Variants in HYDIN observed in about 807,000 individuals in gnomAD.
HYDIN encodes axonemal central pair apparatus protein HYDIN.
HYDIN carries 132 observed loss-of-function variants against 403.9 expected under a neutral mutation model. The ratio of observed to expected loss-of-function variants is 0.33; its 90% CI spans 0.28 to 0.38. The LOEUF is 0.38. HYDIN is among the 10% of genes least tolerant of loss of function. The probability of loss-of-function intolerance (pLI) is 1.00; values close to 1 mark genes in which losing one functional copy is unlikely to be tolerated. For synonymous variants in HYDIN, 1,202 were observed against 1,891.7 expected, an observed-to-expected ratio of 0.64 and a Z score of 9.46; for missense variants, 2,827 against 5,009.5, an observed-to-expected ratio of 0.56 and a Z score of 13.15.
intron 23 of HYDIN, among the ~76,000 whole-genome samples, chr16:71,006,953 C>T (rs2079906716): frequency 6.6e-6 from 1 of 151,854 alleles, no homozygotes; most frequent in Non-Finnish European, 1.5e-5. Flanking sequence ...GACTGTGCTT[C>T]CTACTTATCC....
intron 49 of HYDIN, 44 bp from the exon 50 acceptor site, chr16:70,907,535 G>T: frequency 2.0e-6 from 1 of 501,594 alleles, no homozygotes; most frequent in South Asian, 2.4e-5. Flanking sequence ...TGCCTGAACA[G>T]AAGTTTGATG....
intron 21 of HYDIN, among the ~76,000 whole-genome samples, chr16:71,020,763 C>G (rs2080455564): frequency 1.3e-5 from 2 of 149,302 alleles, no homozygotes; most frequent in African/African-American, 2.5e-5. Flanking sequence ...GAGTCGAGAT[C>G]ACACCACTGT....
chr16:71,230,380 G>T (rs2041226812), intron 1 of HYDIN, among the ~76,000 whole-genome samples, 182 bp downstream of exon 1: 1 of 152,144 alleles, frequency 6.6e-6, no homozygotes, highest in Non-Finnish European at 1.5e-5. Context: ...ACAAAAATCC[G>T]AGGTCCCGTA....
intron 1 of HYDIN, among the ~76,000 whole-genome samples, chr16:71,205,142 T>C (rs953146511): frequency 8.5e-5 from 13 of 152,150 alleles, no homozygotes; most frequent in Non-Finnish European, 1.8e-4. Context: ...GACGCTACAA[T>C]GGCAGACTAG....
intron 37 of HYDIN, among the ~76,000 whole-genome samples, chr16:70,963,201 A>G (rs1321709929): frequency 1.3e-5 from 2 of 149,430 alleles, no homozygotes; most frequent in Non-Finnish European, 3.0e-5. Context: ...GCATTTTCTG[A>G]TTTTTTTTTC....
chr16:70,947,173 G>C (rs2077894346), intron 41 of HYDIN, among the ~76,000 whole-genome samples: 1 of 149,318 alleles, frequency 6.7e-6, no homozygotes. Flanking sequence ...ATTGGCTGTG[G>C]GTTTGTCATA....
At chr16:70,879,572 C>G (rs1349950272) in intron 61 of HYDIN, 33 bp downstream of exon 61, 1 of 1,611,084 alleles carries the variant, frequency 6.2e-7, no homozygotes, top group Non-Finnish European at 8.5e-7. Flanking sequence ...AGTCCTGCTG[C>G]AGGAGAGGGA....
chr16:71,107,867 T>C (rs1367236710), intron 10 of HYDIN, among the ~76,000 whole-genome samples: 4 of 152,162 alleles, frequency 2.6e-5, no homozygotes, highest in African/African-American at 4.8e-5. Flanking sequence ...AAAACATGCA[T>C]GTATATGTTC....
intron 55 of HYDIN, 22 bp downstream of exon 55, chr16:70,894,427 C>G: frequency 6.2e-7 from 1 of 1,609,126 alleles, no homozygotes; most frequent in East Asian, 2.2e-5. Flanking sequence ...GATGGCCTTA[C>G]ATCTGATGGG....
chr16:70,848,540 C>G (rs1597113766), intron 75 of HYDIN, among the ~76,000 whole-genome samples: 1 of 131,648 alleles, frequency 7.6e-6, no homozygotes, highest in South Asian at 2.8e-4. Context: ...AGTCTATATT[C>G]TTATTTATGC....
intron 45 of HYDIN, among the ~76,000 whole-genome samples, chr16:70,922,961 T>A (rs2077041022): frequency 6.6e-6 from 1 of 151,700 alleles, no homozygotes; most frequent in South Asian, 2.1e-4. Context: ...AGAGACACAG[T>A]TTTGCCATGT....
intron 1 of HYDIN, among the ~76,000 whole-genome samples, chr16:71,225,515 C>CT (rs534404565): frequency 2.0e-4 from 30 of 152,290 alleles, no homozygotes; most frequent in South Asian, 8.3e-4. Context: ...GTCTTTCCTT[C>CT]TTTTTTTGGA....
chr16:70,996,220 A>G (rs1427645103), intron 23 of HYDIN, among the ~76,000 whole-genome samples: 2 of 152,190 alleles, frequency 1.3e-5, no homozygotes, highest in South Asian at 2.1e-4. Flanking sequence ...TTAATTTCTT[A>G]TAGTTCTCCT....
chr16:71,126,505 G>C (rs2084465319), intron 9 of HYDIN, among the ~76,000 whole-genome samples: 2 of 152,182 alleles, frequency 1.3e-5, no homozygotes, highest in East Asian at 1.9e-4. Flanking sequence ...CTGAGGCAGG[G>C]AAGAGCTGTC....
At chr16:70,966,760 C>A (rs1203087803) in intron 36 of HYDIN, among the ~76,000 whole-genome samples, 1 of 152,178 alleles carries the variant, frequency 6.6e-6, no homozygotes, top group Non-Finnish European at 1.5e-5. Context: ...CAGAGAATGT[C>A]ATTCCCATGA....
chr16:71,081,052 G>T (rs1457479302), intron 12 of HYDIN: 1 of 150,892 alleles, frequency 6.6e-6, no homozygotes, highest in East Asian at 2.0e-4. Flanking sequence ...TTTTAGCCTA[G>T]CTAGACCTGC....
In HYDIN at chr16:70,813,127, A is replaced by C. The variant is rs560902668; in HGVS notation, c.14659-3120T>G. Among the ~76,000 whole-genome samples, 8 of 151,884 alleles carry C rather than the reference A, an allele frequency of 5.3e-5. No homozygotes were observed. In the South Asian group the frequency reaches 1.7e-3, roughly 32 times the overall value. Reference sequence around the variant, plus strand: ...GCCATCATGGCCGGCTAATTTTTGTATTTTTAGTAGAAATGGGGTTTCACT... The same window carrying C: ...GCCATCATGGCCGGCTAATTTTTGTCTTTTTAGTAGAAATGGGGTTTCACT... On this transcript the variant is annotated intron_variant, in intron 84 of 85. Transcript: ENST00000393567.
chr16:71,086,173 G>A lies in HYDIN; in HGVS notation c.1670+2128C>T, dbSNP rs370678693. On this transcript the variant is annotated intron_variant, in intron 12 of 85. Transcript: ENST00000393567. ...TACTGTATTTTTAAGTTTCTTTAGG[G>A]AATAGTTTAAAGAATGGGCAATCCT... Among the ~76,000 whole-genome samples, 1,401 of 151,874 alleles carry A rather than the reference G, an allele frequency of 9.2e-3. 13 individuals carry two copies. The highest frequency in any genetic ancestry group is 0.032 in the African/African-American group (1,330 of 41,412).
At chr16:71,006,146 C>A (rs2144087076) in intron 23 of HYDIN, among the ~76,000 whole-genome samples, 1 of 152,036 alleles carries the variant, frequency 6.6e-6, no homozygotes, top group African/African-American at 2.4e-5. Context: ...ACTTGAATTT[C>A]CAAACCTGTT....
Sources: gnomAD v4.1 joint callset for allele counts (sites outside exome capture counted in the v4.1 genomes callset) on GRCh38, gnomAD v4.1.1 for gene constraint, MANE v1.5 for transcripts, NCBI Gene and HGNC (gene_info 2026-07-23, HGNC 2026-07-21) for gene names.